SPAG16: variants seen among roughly 807,000 people sequenced by gnomAD.
SPAG16 encodes the protein sperm-associated antigen 16 protein.
Under a neutral mutation model 80.4 loss-of-function variants are expected in SPAG16, and 86 were observed. The observed-to-expected ratio is 1.07, with a 90% CI of 0.90 to 1.28. SPAG16 has a LOEUF of 1.28. Ranked by LOEUF, SPAG16 falls within the 50% of genes most tolerant of loss-of-function variation. The pLI is 0.00. For missense variants in SPAG16, 870 were observed against 765.3 expected (o/e 1.14, Z -1.61); for synonymous variants, 294 against 265.9 (o/e 1.11, Z -1.03).
At chr2:213,843,602 G>A (rs1340371165) in intron 10 of SPAG16, among the ~76,000 whole-genome samples, 2 of 152,196 alleles carry the variant, frequency 1.3e-5, no homozygotes, top group Non-Finnish European at 2.9e-5. Flanking sequence ...TGTAATCCCA[G>A]CACTTTGGGA....
intron 12 of SPAG16, among the ~76,000 whole-genome samples, chr2:213,939,403 C>G (rs986458742): frequency 1.3e-5 from 2 of 152,116 alleles, no homozygotes; most frequent in Non-Finnish European, 2.9e-5. Context: ...AGATTAATTC[C>G]TTTCTGCTAG....
intron 11 of SPAG16, among the ~76,000 whole-genome samples, chr2:213,869,125 C>A (rs1262927914): frequency 1.3e-5 from 2 of 150,918 alleles, no homozygotes; most frequent in Non-Finnish European, 3.0e-5. Context: ...TAGTGACAGG[C>A]ACCTGTAATC....
intron 12 of SPAG16, among the ~76,000 whole-genome samples, chr2:213,938,412 A>G (rs1252072047): frequency 6.6e-6 from 1 of 152,002 alleles, no homozygotes; most frequent in Non-Finnish European, 1.5e-5. Flanking sequence ...ATTCTCACAC[A>G]TTTATGTATA....
At chr2:214,033,880 G>A (rs185193213) in intron 13 of SPAG16, among the ~76,000 whole-genome samples, 8 of 152,246 alleles carry the variant, frequency 5.3e-5, no homozygotes, top group African/African-American at 1.7e-4. Context: ...TTTTAACACT[G>A]ATACAGCTAT....
At chr2:213,781,478 G>C (rs1212913291) in intron 10 of SPAG16, among the ~76,000 whole-genome samples, 1 of 151,994 alleles carries the variant, frequency 6.6e-6, no homozygotes, top group Non-Finnish European at 1.5e-5. Flanking sequence ...CTGCTATCTA[G>C]AGTGCTCATT....
At chr2:213,659,999 G>GC (rs1340142183) in intron 10 of SPAG16, among the ~76,000 whole-genome samples, 2 of 151,890 alleles carry the variant, frequency 1.3e-5, no homozygotes, top group African/African-American at 4.8e-5. Flanking sequence ...AAGATGACTG[G>GC]CCCCTACCTT....
At chr2:213,421,556 G>C (rs56373102) in intron 9 of SPAG16, among the ~76,000 whole-genome samples, 1 of 152,122 alleles carries the variant, frequency 6.6e-6, no homozygotes, top group African/African-American at 2.4e-5. Context: ...TAAAGCCTGG[G>C]GGCCAGGCTC....
chr2:213,378,655 C>T (rs772160839), intron 9 of SPAG16, among the ~76,000 whole-genome samples: 6 of 152,138 alleles, frequency 3.9e-5, no homozygotes, highest in Non-Finnish European at 5.9e-5. Context: ...AATTACAGTC[C>T]TCGTTTCTGC....
chr2:213,508,882 C>T (rs1007282664), intron 10 of SPAG16, among the ~76,000 whole-genome samples: 1 of 151,364 alleles, frequency 6.6e-6, no homozygotes, highest in Non-Finnish European at 1.5e-5. Context: ...CTAACCTGCA[C>T]ATTGTGCACA....
At chr2:214,149,988 A>T (rs1279872906) in intron 15 of SPAG16, among the ~76,000 whole-genome samples, 1 of 151,966 alleles carries the variant, frequency 6.6e-6, no homozygotes, top group African/African-American at 2.4e-5. Flanking sequence ...TGAATAATAT[A>T]TTTTTTCTTT....
intron 10 of SPAG16, among the ~76,000 whole-genome samples, chr2:213,662,683 A>G (rs919529598): frequency 1.3e-4 from 20 of 152,156 alleles, no homozygotes; most frequent in Admixed American, 1.3e-3. Context: ...GCATTCAGTA[A>G]TAATTTTTTC....
chr2:214,014,249 G>A (rs897711315), intron 13 of SPAG16, among the ~76,000 whole-genome samples, 172 bp downstream of exon 13: 1 of 152,084 alleles, frequency 6.6e-6, no homozygotes, highest in Admixed American at 6.6e-5. Context: ...TATCCATTCT[G>A]CCTTCCAAAT....
intron 15 of SPAG16, among the ~76,000 whole-genome samples, chr2:214,249,681 T>C (rs1037947421): frequency 2.0e-5 from 3 of 152,296 alleles, no homozygotes; most frequent in Middle Eastern, 3.4e-3. Context: ...CGTAAACATT[T>C]AAAACTGTTT....
At chr2:214,379,384 A>AATGTC (rs1265092423) in intron 15 of SPAG16, among the ~76,000 whole-genome samples, 1 of 152,220 alleles carries the variant, frequency 6.6e-6, no homozygotes, top group East Asian at 1.9e-4. Context: ...CAAAGCCTAT[A>AATGTC]ATGTCAGAGC....
At chr2:213,378,550 A>T (rs1342152919) in intron 9 of SPAG16, among the ~76,000 whole-genome samples, 1 of 152,238 alleles carries the variant, frequency 6.6e-6, no homozygotes, top group East Asian at 1.9e-4. Flanking sequence ...ATCACATGAT[A>T]AGGGAAAAAG....
chr2:213,664,138 C>T (rs554608174), intron 10 of SPAG16, among the ~76,000 whole-genome samples: 1 of 152,126 alleles, frequency 6.6e-6, no homozygotes, highest in East Asian at 1.9e-4. Context: ...TGCCTTTTCT[C>T]CCTCTGTTTC....
At chr2:213,850,742 G>A (rs1575348775) in intron 10 of SPAG16, among the ~76,000 whole-genome samples, 1 of 152,050 alleles carries the variant, frequency 6.6e-6, no homozygotes. Context: ...AGACAGGAGG[G>A]CAAGAGAATG....
chr2:214,257,225 A>G (rs139251896), intron 15 of SPAG16, among the ~76,000 whole-genome samples: 2,700 of 152,020 alleles, frequency 0.018, 53 homozygotes, highest in African/African-American at 0.042. Context: ...AGATTTTTAT[A>G]TACTTAGCTC....
chr2:214,386,687 C>A (rs1228997429), intron 15 of SPAG16, among the ~76,000 whole-genome samples: 3 of 151,906 alleles, frequency 2.0e-5, no homozygotes, highest in Non-Finnish European at 2.9e-5. Flanking sequence ...CATGGAGAAA[C>A]CCCATCCCTA....
Sources: gnomAD v4.1 joint callset for allele counts (sites outside exome capture counted in the v4.1 genomes callset) on GRCh38, gnomAD v4.1.1 for gene constraint, MANE v1.5 for transcripts, NCBI Gene and HGNC (gene_info 2026-07-23, HGNC 2026-07-21) for gene names.